Variants in AGAP6 observed in about 807,000 individuals in gnomAD.
AGAP6 encodes ArfGAP with GTPase domain, ankyrin repeat and PH domain 6, also known as arf-GAP with GTPase, ANK repeat and PH domain-containing protein 6.
In AGAP6, 29 loss-of-function variants were observed where a neutral mutation model predicts 63.9. The observed-to-expected ratio is 0.45, with a 90% CI of 0.34 to 0.62. The LOEUF is 0.62. Among genes scored for constraint, AGAP6 ranks in the 20% least tolerant of loss-of-function variants. AGAP6 has a pLI of 0.01. For missense variants in AGAP6, 493 were observed against 884.9 expected (o/e 0.56, Z 5.62); for synonymous variants, 199 against 332.9 (o/e 0.60, Z 4.38).
At chr10:49,998,649 C>T (rs374136090) in intron 4 of AGAP6, among the ~76,000 whole-genome samples, 1 of 139,778 alleles carries the variant, frequency 7.2e-6, no homozygotes, top group African/African-American at 2.7e-5. Context: ...CAGGTAATGT[C>T]ATGCCTCCAG....
rs1189824553 is a variant in AGAP6 at position 49,999,695 on chromosome 10, T to C, written c.397-2301T>C. On this transcript the variant is annotated intron_variant, in intron 4 of 7. Transcript: ENST00000412531. ...AAACTGTTGCTGTTTGATGATGATA[T>C]GATCATATACCTAGGAAACCCTAAA... Among the ~76,000 whole-genome samples, 17 of 129,922 alleles carry C rather than the reference T, an allele frequency of 1.3e-4. 2 individuals are homozygous for C. Among genetic ancestry groups the C allele is most frequent in the Non-Finnish European group, 2.5e-4 (16 of 63,022 alleles). 85.2% of individuals were successfully genotyped at this position (129,922 alleles called of 152,430 possible). A position where few individuals can be genotyped will look rare whatever the true frequency, so the allele number is the denominator to read the frequency against.
chr10:49,993,789 G>A (rs191687989), intron 3 of AGAP6, among the ~76,000 whole-genome samples: 70 of 146,166 alleles, frequency 4.8e-4, no homozygotes, highest in Non-Finnish European at 7.6e-4. Flanking sequence ...CACTGCACTC[G>A]AGCCTAGGTG....
At chr10:49,990,452 TA>T (rs1192388661) in intron 2 of AGAP6, among the ~76,000 whole-genome samples, 1 of 152,006 alleles carries the variant, frequency 6.6e-6, no homozygotes, top group African/African-American at 2.4e-5. Context: ...CTCACAAAAA[TA>T]AAAAGGAAAG....
rs1554860132 is a variant in AGAP6 at position 49,988,860 on chromosome 10, G to A, written c.145G>A (p.Val49Ile). Residue 49 changes from valine to isoleucine, a missense_variant, in exon 1 of 8, where the codon GTA (valine) becomes ATA (isoleucine). Transcript: ENST00000412531. The stretch of plus-strand genomic sequence containing the variant: ...GGCAGGAGCGCCCATGGCTGCTGCT[G>A]TACAGCCTGCTGAGGTGACTGTTGA... ...RMAGAPMAAA[V>I]QPAEVTVEVG... 1 of 1,599,106 alleles carries A rather than the reference G, an allele frequency of 6.3e-7. No individual in the cohort carries two copies. Among genetic ancestry groups the A allele is most frequent in the Admixed American group, 1.7e-5 (1 of 59,964 alleles).
intron 2 of AGAP6, 32 bp from the exon 3 acceptor site, chr10:49,991,644 T>C: frequency 1.3e-6 from 2 of 1,595,700 alleles, no homozygotes; most frequent in Non-Finnish European, 1.7e-6. Context: ...AATGATTACA[T>C]CTTTTTTTCT....
At chr10:49,996,043 T>C (rs1589090643) in intron 4 of AGAP6, among the ~76,000 whole-genome samples, 1 of 152,104 alleles carries the variant, frequency 6.6e-6, no homozygotes, top group Non-Finnish European at 1.5e-5. Flanking sequence ...GAATTTTTTT[T>C]TATTTTCTCT....
intron 5 of AGAP6, among the ~76,000 whole-genome samples, chr10:50,003,558 T>C (rs1165832495): frequency 3.3e-5 from 5 of 152,194 alleles, no homozygotes; most frequent in African/African-American, 4.8e-5. Context: ...TTCCAAACTT[T>C]GCTGCTGATT....
At chr10:49,995,653 A>T (rs1481068026) in intron 4 of AGAP6, among the ~76,000 whole-genome samples, 1 of 151,980 alleles carries the variant, frequency 6.6e-6, no homozygotes, top group African/African-American at 2.4e-5. Flanking sequence ...GTCTTTTGGG[A>T]TCTCACGTAA....
Position 50,002,154 on chromosome 10 carries a change from A to G in AGAP6, c.497+58A>G. On this transcript the variant is annotated intron_variant, in intron 5 of 7. Transcript: ENST00000412531. ...CCTTTATTCTAAAATTATTTCAGTC[A>G]TTTGGTTGTCCTTTTCAGCAATCAG... 3.8e-5 allele frequency: 59 copies of G among 1,535,256 alleles called. No individual in the cohort carries two copies. The South Asian group carries it at 6.7e-4, about 17-fold the overall frequency.
chr10:49,991,708 G>A lies in AGAP6; in HGVS notation c.325G>A (p.Ala109Thr). 1 of 1,598,494 alleles carries A rather than the reference G, an allele frequency of 6.3e-7. No homozygotes were observed. Residue 109 changes from alanine (A) to threonine (T), a missense_variant, in exon 3 of 8, where the codon GCA becomes ACA. By Grantham distance (58) the Ala-to-Thr change is moderately conservative (BLOSUM62 0). This residue lies in a region of AGAP6 where 342 missense variants were observed against 533.4 expected (regional missense o/e 0.64). Coordinates refer to ENST00000412531, the MANE Select transcript of AGAP6 (RefSeq NM_001077665.3). ...LEFNPSANPEASTIFQRNSQT... is the reference protein window; with the variant it reads ...LEFNPSANPETSTIFQRNSQT... ...GTTTAACCCTTCTGCCAATCCAGAG[G>A]CAAGCACAATATTCCAGAGGAACTC...
At position 49,998,877 on chromosome 10, in the gene AGAP6, A is replaced by G. The variant is rs547640937; in HGVS notation, c.397-3119A>G. Reference sequence around the variant, plus strand: ...GGTGTCTTTCCATTTGTTTGTGTCCATGACTTCATTCAGCAACGTTTTGTA... The same window carrying G: ...GGTGTCTTTCCATTTGTTTGTGTCCGTGACTTCATTCAGCAACGTTTTGTA... On this transcript the variant is annotated intron_variant, in intron 4 of 7. Coordinates refer to ENST00000412531, the MANE Select transcript of AGAP6 (RefSeq NM_001077665.3). 1.5e-4 allele frequency among the ~76,000 whole-genome samples: 21 copies of G among 139,190 alleles called. 4 individuals carry two copies. The East Asian group carries it at 3.8e-3, about 25-fold the overall frequency. 91.3% of individuals were successfully genotyped at this position (139,190 alleles called of 152,430 possible).
intron 6 of AGAP6, among the ~76,000 whole-genome samples, chr10:50,006,403 A>G (rs1314671225): frequency 6.6e-6 from 1 of 152,164 alleles, no homozygotes; most frequent in African/African-American, 2.4e-5. Context: ...TGAGAATGAT[A>G]GTTGAACTGG....
chr10:49,990,644 C>T (rs1488644975), intron 2 of AGAP6, among the ~76,000 whole-genome samples: 2 of 152,048 alleles, frequency 1.3e-5, no homozygotes, highest in Non-Finnish European at 2.9e-5. Flanking sequence ...AAATAGAAAA[C>T]ATTGCATCAT....
intron 6 of AGAP6, 73 bp from the exon 7 acceptor site, chr10:50,007,952 C>T (rs1228773619): frequency 1.9e-6 from 3 of 1,608,646 alleles, no homozygotes; most frequent in Non-Finnish European, 2.5e-6. Flanking sequence ...ACACAGGAGG[C>T]AGTATTTTAC....
At chr10:49,990,714 G>C (rs1451461888) in intron 2 of AGAP6, among the ~76,000 whole-genome samples, 1 of 152,304 alleles carries the variant, frequency 6.6e-6, no homozygotes, top group Admixed American at 6.5e-5. Context: ...TTTCATTACT[G>C]TAGAGGAAAT....
In AGAP6 at chr10:49,988,662, G is replaced by C; in HGVS notation, c.-54G>C. The stretch of plus-strand genomic sequence containing the variant: ...CCTCGGCCTAGGACAGCGGGAGTGC[G>C]TGGCCAAAGCTGTGAGCAGAGGCAC... On this transcript the variant is annotated 5_prime_UTR_variant, in exon 1 of 8. Coordinates refer to ENST00000412531, the MANE Select transcript of AGAP6 (RefSeq NM_001077665.3). 2 of 1,564,104 alleles carry C rather than the reference G, an allele frequency of 1.3e-6. No individual in the cohort carries two copies. The highest frequency in any genetic ancestry group is 1.1e-5 in the South Asian group (1 of 87,762).
intron 4 of AGAP6, among the ~76,000 whole-genome samples, chr10:49,994,881 G>A (rs1409562931): frequency 1.4e-5 from 2 of 147,862 alleles, no homozygotes; most frequent in Non-Finnish European, 3.0e-5. Context: ...AGAATCACTT[G>A]AACCCAGGAG....
At chr10:49,996,324 T>G (rs182656784) in intron 4 of AGAP6, among the ~76,000 whole-genome samples, 1 of 152,304 alleles carries the variant, frequency 6.6e-6, no homozygotes, top group East Asian at 1.9e-4. Context: ...TCTTGGAGGC[T>G]TCCTTCCAAT....
intron 4 of AGAP6, among the ~76,000 whole-genome samples, chr10:49,994,949 G>A (rs1333835208): frequency 3.5e-5 from 4 of 113,908 alleles, no homozygotes; most frequent in African/African-American, 1.1e-4. Context: ...GCAACAGAGC[G>A]AAACTCTGTC....
Sources: gnomAD v4.1 joint callset for allele counts (sites outside exome capture counted in the v4.1 genomes callset) on GRCh38, gnomAD v4.1.1 for gene constraint, gnomAD v4.1.1 regional missense constraint, MANE v1.5 for transcripts, NCBI Gene and HGNC (gene_info 2026-07-23, HGNC 2026-07-21) for gene names.